Variants in REEP1 observed in about 807,000 individuals in gnomAD.
REEP1 encodes receptor accessory protein 1.
REEP1 carries 22 observed loss-of-function variants against 40.3 expected under a neutral mutation model. The observed-to-expected ratio is 0.55, with a 90% CI of 0.39 to 0.78. The LOEUF (loss-of-function observed/expected upper bound fraction) is 0.78. Ranked by LOEUF, REEP1 falls within the 30% of genes least tolerant of loss-of-function variation. The pLI, the probability that REEP1 is intolerant of heterozygous loss-of-function variation, is 0.00. For missense variants in REEP1, 280 were observed against 361.1 expected (o/e 0.78, Z 1.82); for synonymous variants, 116 against 139.2 (o/e 0.83, Z 1.17).
chr2:86,242,488 ATGGAGGAGACGGCATTAACC>A (rs1443370179), intron 5 of REEP1, among the ~76,000 whole-genome samples: 4 of 151,996 alleles, frequency 2.6e-5, no homozygotes, highest in South Asian at 2.1e-4. Context: ...AGGAGGCTTC[ATGGAGGAGACGGCATTAACC>A]TGGAGGAGAT....
At chr2:86,297,707 G>T (rs556523330) in intron 1 of REEP1, 1 of 985,358 alleles carries the variant, frequency 1.0e-6, no homozygotes, top group South Asian at 4.7e-5. Context: ...ATGGGGAGGA[G>T]CGTCACTGTC....
intron 1 of REEP1, among the ~76,000 whole-genome samples, chr2:86,311,229 C>T (rs1469392135): frequency 1.3e-5 from 2 of 152,032 alleles, no homozygotes; most frequent in East Asian, 1.9e-4. Context: ...AGAAAAATAC[C>T]GGGAGCCTGC....
rs371523242 is a variant in REEP1 at position 86,329,084 on chromosome 2, G to C, written c.32+8395C>G. 5.0e-4 allele frequency among the ~76,000 whole-genome samples: 76 copies of C among 152,240 alleles called. 1 individual carries two copies. The highest frequency in any genetic ancestry group is 1.8e-3 in the African/African-American group (75 of 41,548). ...GATGGAGGTGGTTCTCAGTGAGATG[G>C]GGAGCTGGAAAGGGGATACAGTGGG... On this transcript the variant is annotated intron_variant, in intron 1 of 8. Coordinates refer to ENST00000538924, the MANE Select transcript of REEP1 (RefSeq NM_001371279.1).
At chr2:86,270,618 C>T (rs2104340389) in intron 2 of REEP1, among the ~76,000 whole-genome samples, 1 of 152,182 alleles carries the variant, frequency 6.6e-6, no homozygotes, top group South Asian at 2.1e-4. Context: ...CAAATGATAT[C>T]CTAGAATTCA....
intron 1 of REEP1, among the ~76,000 whole-genome samples, chr2:86,325,037 C>G (rs371837474): frequency 6.6e-6 from 1 of 152,104 alleles, no homozygotes; most frequent in Non-Finnish European, 1.5e-5. Context: ...TTTTCTATTG[C>G]CTCATTAATT....
chr2:86,297,133 C>T (rs976557155), intron 1 of REEP1, among the ~76,000 whole-genome samples: 31 of 152,354 alleles, frequency 2.0e-4, no homozygotes, highest in African/African-American at 7.0e-4. Context: ...CTTCCATACT[C>T]AACATCCAGA....
intron 1 of REEP1, among the ~76,000 whole-genome samples, chr2:86,283,262 T>C (rs543133618): frequency 1.0e-3 from 154 of 152,318 alleles, no homozygotes; most frequent in African/African-American, 3.5e-3. Flanking sequence ...ACCTACCCCA[T>C]AGTAGGCCCT....
chr2:86,233,069 T>TA (rs1192492878), intron 5 of REEP1, among the ~76,000 whole-genome samples: 2 of 152,160 alleles, frequency 1.3e-5, no homozygotes, highest in Admixed American at 6.5e-5. Flanking sequence ...GATACGATGA[T>TA]ACGATGATGA....
intron 1 of REEP1, among the ~76,000 whole-genome samples, chr2:86,312,593 T>C (rs1679814532): frequency 6.6e-6 from 1 of 152,142 alleles, no homozygotes; most frequent in Non-Finnish European, 1.5e-5. Context: ...GTGCTGATCA[T>C]GCCACTGCAC....
chr2:86,299,326 G>A (rs552043683), intron 1 of REEP1, among the ~76,000 whole-genome samples: 1 of 152,250 alleles, frequency 6.6e-6, no homozygotes, highest in African/African-American at 2.4e-5. Flanking sequence ...GTTGTGAGGG[G>A]CTGTCCTCAG....
chr2:86,298,884 C>T (rs574492322), intron 1 of REEP1, among the ~76,000 whole-genome samples: 1 of 152,224 alleles, frequency 6.6e-6, no homozygotes, highest in South Asian at 2.1e-4. Context: ...GAGTGCTGAC[C>T]GAGCTTTCCT....
rs533061740 is a variant in REEP1, at chr2:86,308,895, G to T, written c.33-26653C>A. Among the ~76,000 whole-genome samples the T allele has an allele frequency of 2.3e-3, 347 of 152,294 alleles. 3 individuals carry two copies. Among genetic ancestry groups the T allele is most frequent in the African/African-American group, 8.1e-3 (335 of 41,568 alleles). On this transcript the variant is annotated intron_variant, in intron 1 of 8. Transcript: ENST00000538924. ...ACAAACCCCAAGGCAGCTGGGCCTT[G>T]TAACAGTCTAGAACTAGGGACTGGA...
chr2:86,266,626 AAAAAATAAAAAT>A (rs1303689080), intron 2 of REEP1, among the ~76,000 whole-genome samples: 4 of 151,644 alleles, frequency 2.6e-5, no homozygotes, highest in East Asian at 1.9e-4. Context: ...ACTCCATCTC[AAAAAATAAAAAT>A]AAAAATAAAA....
chr2:86,332,770 CG>C (rs1466170761), intron 1 of REEP1, among the ~76,000 whole-genome samples: 2 of 152,168 alleles, frequency 1.3e-5, no homozygotes, highest in Admixed American at 6.5e-5. Flanking sequence ...AGCTCAACAG[CG>C]GAGAAATCTA....
intron 7 of REEP1, among the ~76,000 whole-genome samples, chr2:86,221,280 C>T: frequency 6.6e-6 from 1 of 152,216 alleles, no homozygotes; most frequent in East Asian, 1.9e-4. Context: ...CAACAGCCAG[C>T]AGGAAGCAGC....
At chr2:86,241,091 G>A (rs1488329602) in intron 5 of REEP1, among the ~76,000 whole-genome samples, 1 of 152,214 alleles carries the variant, frequency 6.6e-6, no homozygotes, top group East Asian at 1.9e-4. Context: ...GCCCTTGCCC[G>A]GTGATGGGGA....
intron 2 of REEP1, among the ~76,000 whole-genome samples, chr2:86,269,657 A>T (rs1166654591): frequency 2.0e-5 from 3 of 152,152 alleles, no homozygotes; most frequent in African/African-American, 7.2e-5. Context: ...CCTTCCTCCC[A>T]GCAAAGGACA....
At chr2:86,290,664 AGGACT>A (rs1678645669) in intron 1 of REEP1, among the ~76,000 whole-genome samples, 1 of 152,196 alleles carries the variant, frequency 6.6e-6, no homozygotes, top group Admixed American at 6.5e-5. Context: ...TAGCCCTGAA[AGGACT>A]GTCTCAGATA....
At chr2:86,243,660 G>A (rs1047426589) in intron 5 of REEP1, among the ~76,000 whole-genome samples, 3 of 152,228 alleles carry the variant, frequency 2.0e-5, no homozygotes, top group African/African-American at 7.2e-5. Flanking sequence ...TTTTGAGAGT[G>A]AAACTTGGGT....
Sources: allele counts gnomAD v4.1 joint callset (sites outside exome capture counted in the v4.1 genomes callset), GRCh38; gene constraint gnomAD v4.1.1; transcripts MANE v1.5; gene names NCBI Gene and HGNC (gene_info 2026-07-23, HGNC 2026-07-21).